SEPTIN9: variants seen among roughly 807,000 people sequenced by gnomAD.
SEPTIN9 encodes the protein septin-9.
Under a neutral mutation model 56.6 loss-of-function variants are expected in SEPTIN9, and 13 were observed. The ratio of observed to expected loss-of-function variants is 0.23; its 90% CI spans 0.15 to 0.37. SEPTIN9 has a LOEUF of 0.37. Ranked by LOEUF, SEPTIN9 falls within the 10% of genes least tolerant of loss-of-function variation. The pLI is 1.00. For missense variants in SEPTIN9, 650 were observed against 823.1 expected (o/e 0.79, Z 2.57); for synonymous variants, 332 against 334.1 (o/e 0.99, Z 0.07).
At chr17:77,328,569 T>G (rs2033233837) in intron 2 of SEPTIN9, among the ~76,000 whole-genome samples, 1 of 152,166 alleles carries the variant, frequency 6.6e-6, no homozygotes, top group Non-Finnish European at 1.5e-5. Flanking sequence ...TTTCACCATG[T>G]TGGTCAGGCT....
At position 77,453,131 on chromosome 17, in the gene SEPTIN9, A is replaced by T. The variant is rs1291467383; in HGVS notation, c.722-29013A>T. On this transcript the variant is annotated intron_variant, in intron 3 of 11. Transcript: ENST00000427177. This position sits in a 1 kb window ranked among gnomAD's most constrained non-coding sequence, Gnocchi z 4.4. ...CCTGTAGGCTGTCATTGTGATGGTG[A>T]TGGGGCCAATTCAGCTGCGGTGGGG... 6.6e-6 allele frequency among the ~76,000 whole-genome samples: 1 copy of T among 151,802 alleles called. No individual in the cohort carries two copies. The highest frequency in any genetic ancestry group is 6.6e-5 in the Admixed American group (1 of 15,238).
At chr17:77,446,260 A>T (rs2037735807) in intron 3 of SEPTIN9, 1 of 167,080 alleles carries the variant, frequency 6.0e-6, no homozygotes. Flanking sequence ...TTTGGGTGGG[A>T]GGCTCTGCTG....
chr17:77,402,754 T>C lies in SEPTIN9; in HGVS notation c.721+51T>C, dbSNP rs3744065. On this transcript the variant is annotated intron_variant, in intron 3 of 11. Transcript: ENST00000427177. The surrounding 1 kb of genome is among the most constrained non-coding windows in gnomAD (Gnocchi z 6.6). ...GATGCTGTGGTAATGGGGGGCCTGG[T>C]TGCTGGCTTTGCCACAGAATCTTGG... 8.6e-3 allele frequency: 12,893 copies of C among 1,497,520 alleles called. 676 individuals are homozygous for C. In the East Asian group the frequency reaches 0.15, roughly 18 times the overall value. 92.8% of individuals were successfully genotyped at this position (1,497,520 alleles called of 1,614,324 possible). A position where few individuals can be genotyped will look rare whatever the true frequency, so the allele number is the denominator to read the frequency against.
At chr17:77,285,958 C>T (rs376077474) in intron 1 of SEPTIN9, among the ~76,000 whole-genome samples, 107 of 152,316 alleles carry the variant, frequency 7.0e-4, no homozygotes, top group African/African-American at 2.5e-3. Flanking sequence ...TCAGCTAACC[C>T]GGTGACAGGC....
chr17:77,348,986 T>G (rs996235288), intron 2 of SEPTIN9, among the ~76,000 whole-genome samples: 2 of 152,362 alleles, frequency 1.3e-5, no homozygotes, highest in South Asian at 4.1e-4. Flanking sequence ...TTTCCCATGA[T>G]CTTGGAGAAC....
chr17:77,370,971 A>G (rs145223912), intron 2 of SEPTIN9, among the ~76,000 whole-genome samples: 1 of 152,206 alleles, frequency 6.6e-6, no homozygotes, highest in Non-Finnish European at 1.5e-5. Context: ...TGGAAAAGGT[A>G]ATTATGACTT....
At chr17:77,302,895 G>C (rs1436877912) in intron 1 of SEPTIN9, among the ~76,000 whole-genome samples, 1 of 152,052 alleles carries the variant, frequency 6.6e-6, no homozygotes, top group East Asian at 1.9e-4. Context: ...CACTGCACAG[G>C]GCGCCCTAAG....
Position 77,492,752 on chromosome 17 carries a change from C to A in SEPTIN9, c.1476+36C>A. The A allele has an allele frequency of 6.4e-7, 1 of 1,570,156 alleles. No individual in the cohort carries two copies. ...CCACTAGGATGTTGTTCCCAGGGGA[C>A]CCCCAGTTCCTGCTGAAGGGTGGGT... is the stretch of plus-strand genomic sequence containing the variant. On this transcript the variant is annotated intron_variant, in intron 9 of 11. Transcript: ENST00000427177. The surrounding 1 kb of genome is among the most constrained non-coding windows in gnomAD (Gnocchi z 5.4).
At chr17:77,477,936 C>T (rs1033554252) in intron 3 of SEPTIN9, among the ~76,000 whole-genome samples, 2 of 152,090 alleles carry the variant, frequency 1.3e-5, no homozygotes, top group African/African-American at 2.4e-5. Context: ...CAACCGTGTT[C>T]GTAGCAGGGC....
At chr17:77,482,581 C>G (rs2039502988) in intron 4 of SEPTIN9, 2 of 683,016 alleles carry the variant, frequency 2.9e-6, no homozygotes, top group African/African-American at 3.5e-5. Context: ...CTTTGGGGAG[C>G]CCAGGCCGGC....
intron 3 of SEPTIN9, among the ~76,000 whole-genome samples, chr17:77,441,666 C>T (rs979776028): frequency 1.3e-5 from 2 of 152,200 alleles, no homozygotes; most frequent in African/African-American, 4.8e-5. Context: ...GAGGTCATGA[C>T]TTTTTACACC....
chr17:77,467,540 C>G (rs1432799045), intron 3 of SEPTIN9, among the ~76,000 whole-genome samples: 1 of 152,246 alleles, frequency 6.6e-6, no homozygotes, highest in Non-Finnish European at 1.5e-5. Flanking sequence ...CACCGGGCGC[C>G]TCATCCCACA....
Position 77,330,681 on chromosome 17 carries a change from C to T in SEPTIN9, c.76+23484C>T, listed in dbSNP as rs570607901. On this transcript the variant is annotated intron_variant, in intron 2 of 11. Coordinates refer to ENST00000427177, the MANE Select transcript of SEPTIN9 (RefSeq NM_001113491.2). The surrounding 1 kb of genome is among the most constrained non-coding windows in gnomAD (Gnocchi z 4.4). ...GCCTAAAGCCTGCTGTCAGGAGCCT[C>T]GCTTGCCTCTCAGAGAGCACATGGC... Among the ~76,000 whole-genome samples, 8 of 152,362 alleles carry T rather than the reference C, an allele frequency of 5.3e-5. No homozygotes were observed. The South Asian group carries it at 1.0e-3, about 20-fold the overall frequency.
intron 2 of SEPTIN9, among the ~76,000 whole-genome samples, chr17:77,387,280 A>G (rs1029610677): frequency 1.3e-5 from 2 of 152,128 alleles, no homozygotes; most frequent in African/African-American, 4.8e-5. Flanking sequence ...TAGATGCGTC[A>G]CGCCACTCCC....
Position 77,434,178 on chromosome 17 carries a change from C to T in SEPTIN9, c.721+31475C>T, listed in dbSNP as rs192311610. ...CCCCTTCCCCTTTAATCTGGGCAAC[C>T]TTGCTTTGGCCTGCTGTCTGCGGAA... On this transcript the variant is annotated intron_variant, in intron 3 of 11. Coordinates refer to ENST00000427177, the MANE Select transcript of SEPTIN9 (RefSeq NM_001113491.2). This position sits in a 1 kb window ranked among gnomAD's most constrained non-coding sequence, Gnocchi z 5.0. Among the ~76,000 whole-genome samples the T allele has an allele frequency of 2.6e-5, 4 of 152,186 alleles. No individual in the cohort carries two copies. The highest frequency in any genetic ancestry group is 9.7e-5 in the African/African-American group (4 of 41,448).
intron 2 of SEPTIN9, among the ~76,000 whole-genome samples, chr17:77,364,866 A>T (rs546245631): frequency 2.4e-4 from 37 of 152,348 alleles, no homozygotes; most frequent in South Asian, 8.3e-4. Context: ...GCTTCCAGGG[A>T]CAGTCTCAGC....
At chr17:77,380,614 G>C (rs895927614) in intron 2 of SEPTIN9, among the ~76,000 whole-genome samples, 1 of 152,104 alleles carries the variant, frequency 6.6e-6, no homozygotes, top group African/African-American at 2.4e-5. Context: ...GTGGGCGATG[G>C]AGCCTTGCAG....
At chr17:77,380,797 C>T (rs2035116029) in intron 2 of SEPTIN9, among the ~76,000 whole-genome samples, 2 of 152,204 alleles carry the variant, frequency 1.3e-5, no homozygotes, top group South Asian at 2.1e-4. Context: ...CTGCTAGGGG[C>T]ACCCCCAGGG....
intron 1 of SEPTIN9, among the ~76,000 whole-genome samples, chr17:77,300,011 A>G (rs918752647): frequency 2.6e-5 from 4 of 152,210 alleles, no homozygotes. Flanking sequence ...GTAGTTGGGT[A>G]GACTGTTTCC....
Sources: gnomAD v4.1 joint callset for allele counts (sites outside exome capture counted in the v4.1 genomes callset) on GRCh38, gnomAD v4.1.1 for gene constraint, Gnocchi (gnomAD v3.1) non-coding constraint, MANE v1.5 for transcripts, NCBI Gene and HGNC (gene_info 2026-07-23, HGNC 2026-07-21) for gene names.